The following TENM2 variants were observed in gnomAD, a reference collection of about 807,000 sequenced individuals.
TENM2 encodes the protein teneurin transmembrane protein 2, also known as teneurin-2.
TENM2 carries 52 observed loss-of-function variants against 245.2 expected under a neutral mutation model. The observed-to-expected ratio is 0.21, with a 90% confidence interval of 0.17 to 0.27. The LOEUF is 0.27. TENM2 is among the 10% of genes least tolerant of loss of function. The probability of loss-of-function intolerance (pLI) is 1.00; values close to 1 mark genes in which losing one functional copy is unlikely to be tolerated. For synonymous variants in TENM2, 1,363 were observed against 1,438.9 expected (o/e 0.95, Z 1.19); for missense variants, 3,046 against 3,666.8 (o/e 0.83, Z 4.37).
At chr5:167,952,925 T>A in intron 4 of TENM2, 103 bp downstream of exon 6, 1 of 932,926 alleles carries the variant, frequency 1.1e-6, no homozygotes. Flanking sequence ...GGAGAGACCC[T>A]CTGGGTATAA....
chr5:166,981,328 G>T, the TENM2 span, among the ~76,000 whole-genome samples: 12 of 152,148 alleles, frequency 7.9e-5, no homozygotes, highest in African/African-American at 2.9e-4. Context: ...CCTTTGAATG[G>T]ACTGTTTTGA....
the TENM2 span, among the ~76,000 whole-genome samples, chr5:167,217,848 A>G: frequency 4.0e-5 from 6 of 150,952 alleles, no homozygotes; most frequent in South Asian, 1.0e-3. Flanking sequence ...GAAGCCGACT[A>G]TGAGACGAAA....
At chr5:168,239,601 C>G (rs1046161165) in intron 25 of TENM2, among the ~76,000 whole-genome samples, 1 of 152,124 alleles carries the variant, frequency 6.6e-6, no homozygotes, top group African/African-American at 2.4e-5. Flanking sequence ...CAAGCACTAA[C>G]CAGGCCTGAT....
intron 1 of TENM2, chr5:167,294,117 G>C (rs899827255): frequency 2.6e-5 from 4 of 152,088 alleles, no homozygotes; most frequent in Admixed American, 6.5e-5. Flanking sequence ...AGCAGGCTAA[G>C]CAAAAAAAGA....
intron 2 of TENM2, among the ~76,000 whole-genome samples, chr5:167,404,518 AGG>A: frequency 6.6e-6 from 1 of 152,136 alleles, no homozygotes; most frequent in East Asian, 1.9e-4. Context: ...AAACCTTTGA[AGG>A]AAGCCCTTTT....
chr5:167,137,332 A>C, the TENM2 span, among the ~76,000 whole-genome samples: 3 of 152,126 alleles, frequency 2.0e-5, no homozygotes, highest in Non-Finnish European at 4.4e-5. Flanking sequence ...CTAAAATCAG[A>C]CTCACTTTTT....
At chr5:167,045,420 G>A in the TENM2 span, among the ~76,000 whole-genome samples, 1 of 152,142 alleles carries the variant, frequency 6.6e-6, no homozygotes, top group African/African-American at 2.4e-5. Context: ...CTGTCAGTAA[G>A]GGCTGGCTGA....
chr5:167,038,692 G>C, the TENM2 span, among the ~76,000 whole-genome samples: 1 of 152,290 alleles, frequency 6.6e-6, no homozygotes, highest in South Asian at 2.1e-4. Flanking sequence ...CAGTGGCCAA[G>C]ACTAGTTTCT....
At chr5:167,734,873 T>G (rs1042317562) in intron 2 of TENM2, among the ~76,000 whole-genome samples, 5 of 150,264 alleles carry the variant, frequency 3.3e-5, no homozygotes, top group Non-Finnish European at 7.4e-5. Flanking sequence ...CATCTCTCTT[T>G]CTCCACGCTC....
Position 168,244,780 on chromosome 5 carries a change from T to G in TENM2, c.5817+64T>G. ...TTATTTCTGTTATTCCGGCTTCTTT[T>G]TTTTTTTGAGACAGAGACTTGCTCT... On this transcript the variant is annotated intron_variant, in intron 26 of 28. Transcript: ENST00000518659. This position sits in a 1 kb window ranked among gnomAD's most constrained non-coding sequence, Gnocchi z 4.9. The G allele has an allele frequency of 7.5e-7, 1 of 1,336,232 alleles. No homozygotes were observed. The highest frequency in any genetic ancestry group is 9.7e-7 in the Non-Finnish European group (1 of 1,028,854). The allele number at this position is 1,336,232 out of a possible 1,614,324, so 82.8% of individuals were successfully genotyped here.
At chr5:168,236,051 A>G (rs1378536313) in intron 25 of TENM2, among the ~76,000 whole-genome samples, 1 of 152,154 alleles carries the variant, frequency 6.6e-6, no homozygotes, top group East Asian at 1.9e-4. Context: ...ACAGAAGGAG[A>G]GCTCCAGTGT....
At chr5:167,562,574 C>T in intron 2 of TENM2, among the ~76,000 whole-genome samples, 1 of 152,140 alleles carries the variant, frequency 6.6e-6, no homozygotes, top group East Asian at 1.9e-4. Flanking sequence ...TAGACTGTGC[C>T]TTTGTAAGAT....
the TENM2 span, among the ~76,000 whole-genome samples, chr5:167,148,949 A>C: frequency 5.3e-5 from 8 of 152,150 alleles, no homozygotes; most frequent in African/African-American, 1.9e-4. Context: ...ACAAATACTA[A>C]GTTAGTCAGT....
chr5:167,228,187 G>A, the TENM2 span, among the ~76,000 whole-genome samples: 31 of 151,936 alleles, frequency 2.0e-4, no homozygotes, highest in Middle Eastern at 3.4e-3. Flanking sequence ...GCATCACCAC[G>A]CATAGCTAAT....
chr5:167,932,113 G>T (rs572325945), intron 3 of TENM2, among the ~76,000 whole-genome samples: 5 of 152,192 alleles, frequency 3.3e-5, no homozygotes, highest in Non-Finnish European at 2.9e-5. Context: ...AGGTGCAGGA[G>T]GGGGAGAGAG....
chr5:167,359,706 A>G (rs751331011), intron 1 of TENM2, among the ~76,000 whole-genome samples: 6 of 152,160 alleles, frequency 3.9e-5, no homozygotes, highest in Non-Finnish European at 5.9e-5. Context: ...TTTGGGTTTT[A>G]CATTCAAGTC....
intron 2 of TENM2, among the ~76,000 whole-genome samples, chr5:167,546,038 C>A (rs193143038): frequency 1.3e-3 from 195 of 152,306 alleles, no homozygotes; most frequent in Non-Finnish European, 2.4e-3. Flanking sequence ...ATGTTCAGAA[C>A]ACTCATTCGA....
chr5:167,216,077 G>C, the TENM2 span, among the ~76,000 whole-genome samples: 1 of 152,158 alleles, frequency 6.6e-6, no homozygotes, highest in Non-Finnish European at 1.5e-5. Context: ...ACAAGAGGTA[G>C]GTCCAGTGTT....
At chr5:167,799,746 T>C (rs1415228896) in intron 2 of TENM2, among the ~76,000 whole-genome samples, 13 of 152,164 alleles carry the variant, frequency 8.5e-5, no homozygotes, top group Admixed American at 8.5e-4. Flanking sequence ...CTAAAAACCA[T>C]TTCAGGTCCC....
Sources: gnomAD v4.1 joint callset for allele counts (sites outside exome capture counted in the v4.1 genomes callset) on GRCh38, gnomAD v4.1.1 for gene constraint, Gnocchi (gnomAD v3.1) non-coding constraint, MANE v1.5 for transcripts, NCBI Gene and HGNC (gene_info 2026-07-23, HGNC 2026-07-21) for gene names.